KLF12: variants seen among roughly 807,000 people sequenced by gnomAD.
KLF12 encodes the protein Krueppel-like factor 12.
In KLF12, 9 loss-of-function variants were observed where a neutral mutation model predicts 37.8. That is an observed-to-expected ratio of 0.24 (90% CI 0.14 to 0.42). The LOEUF (loss-of-function observed/expected upper bound fraction) is 0.42, where lower values mean the gene tolerates loss of function less well. Among genes scored for constraint, KLF12 ranks in the 10% least tolerant of loss-of-function variants. The pLI is 1.00. For synonymous variants in KLF12, 208 were observed against 202.1 expected (o/e 1.03, Z -0.25); for missense variants, 411 against 516.0 (o/e 0.80, Z 1.97).
At chr13:74,029,929 C>A (rs1245780880) in intron 1 of KLF12, among the ~76,000 whole-genome samples, 1 of 152,006 alleles carries the variant, frequency 6.6e-6, no homozygotes, top group African/African-American at 2.4e-5. Context: ...AGAGTTGAGG[C>A]CACAGGAAGA....
intron 2 of KLF12, among the ~76,000 whole-genome samples, chr13:73,991,331 A>C (rs1891966233): frequency 6.6e-6 from 1 of 152,210 alleles, no homozygotes; most frequent in South Asian, 2.1e-4. Context: ...CAGCCAACCA[A>C]GTCTTACGGA....
chr13:73,812,989 T>C, intron 5 of KLF12, 163 bp downstream of exon 5: 1 of 663,794 alleles, frequency 1.5e-6, no homozygotes, highest in East Asian at 2.7e-5. Context: ...CTCCATTCTC[T>C]GCCCTAATCT....
intron 1 of KLF12, among the ~76,000 whole-genome samples, chr13:74,042,683 T>C (rs147652098): frequency 2.0e-5 from 3 of 152,282 alleles, no homozygotes; most frequent in African/African-American, 7.2e-5. Context: ...GATAAGTATG[T>C]CCAAAAGGGT....
chr13:73,943,080 T>C (rs1365761552), intron 3 of KLF12, among the ~76,000 whole-genome samples: 1 of 152,238 alleles, frequency 6.6e-6, no homozygotes, highest in Non-Finnish European at 1.5e-5. Flanking sequence ...AGTGAGATTT[T>C]ATTCACATTT....
intron 6 of KLF12, among the ~76,000 whole-genome samples, chr13:73,757,429 G>T (rs189601186): frequency 3.9e-4 from 59 of 152,302 alleles, no homozygotes; most frequent in Admixed American, 1.3e-3. Flanking sequence ...ACTATGCCAA[G>T]AAATGTAATA....
the KLF12 span, among the ~76,000 whole-genome samples, chr13:74,218,144 A>G: frequency 6.6e-6 from 1 of 152,194 alleles, no homozygotes; most frequent in Admixed American, 6.5e-5. Flanking sequence ...TGAGACTCAA[A>G]TCTCCAAATT....
At chr13:74,167,881 T>C in the KLF12 span, among the ~76,000 whole-genome samples, 1 of 152,212 alleles carries the variant, frequency 6.6e-6, no homozygotes, top group African/African-American at 2.4e-5. Context: ...AAAGTATACA[T>C]TAAAGAATGC....
chr13:74,131,077 A>T (rs1878238196), intron 1 of KLF12, among the ~76,000 whole-genome samples: 1 of 152,202 alleles, frequency 6.6e-6, no homozygotes, highest in Non-Finnish European at 1.5e-5. Context: ...TTGAATTCAA[A>T]ATGCTCTCAG....
chr13:74,300,174 A>G, the KLF12 span, among the ~76,000 whole-genome samples: 1 of 152,168 alleles, frequency 6.6e-6, no homozygotes, highest in Admixed American at 6.6e-5. Context: ...TTCTTTTAGA[A>G]TGAGAGGGGA....
At chr13:73,992,036 A>C (rs1360340531) in intron 2 of KLF12, among the ~76,000 whole-genome samples, 1 of 152,136 alleles carries the variant, frequency 6.6e-6, no homozygotes, top group African/African-American at 2.4e-5. Context: ...GTGGTTAGGC[A>C]GCTGTTCATC....
At position 73,828,082 on chromosome 13, in the gene KLF12, T is replaced by A. The variant is rs182913664; in HGVS notation, c.671-14795A>T. On this transcript the variant is annotated intron_variant, in intron 4 of 7. Transcript: ENST00000377669. ...TGTATGTCTGAATTTTGTTTTTTTT[T>A]AATTTCACTCTTAATGGAATTTTAT... Among the ~76,000 whole-genome samples, 103 of 152,332 alleles carry A rather than the reference T, an allele frequency of 6.8e-4. No homozygotes were observed. The East Asian group carries it at 0.016, about 24-fold the overall frequency.
chr13:73,899,372 G>C (rs1887934578), intron 3 of KLF12, among the ~76,000 whole-genome samples: 3 of 152,120 alleles, frequency 2.0e-5, no homozygotes, highest in Admixed American at 2.0e-4. Flanking sequence ...AAGTGACTTG[G>C]AGGACAATAA....
chr13:73,863,812 C>T (rs1886045702), intron 3 of KLF12, among the ~76,000 whole-genome samples: 1 of 152,112 alleles, frequency 6.6e-6, no homozygotes, highest in African/African-American at 2.4e-5. Flanking sequence ...AAGGTAATAG[C>T]ACCCCGCCAG....
chr13:74,100,500 C>A (rs1442581622), intron 1 of KLF12, among the ~76,000 whole-genome samples: 1 of 152,090 alleles, frequency 6.6e-6, no homozygotes, highest in African/African-American at 2.4e-5. Flanking sequence ...CGCCTGTAAT[C>A]CCAGCTACTT....
chr13:74,291,335 A>C, the KLF12 span, among the ~76,000 whole-genome samples: 1 of 152,218 alleles, frequency 6.6e-6, no homozygotes, highest in Non-Finnish European at 1.5e-5. Flanking sequence ...GAAACATTCA[A>C]ATAAATGTTC....
rs371845639 is a variant in KLF12 at position 74,015,506 on chromosome 13, G to C, written c.-31-20453C>G. Among the ~76,000 whole-genome samples the C allele has an allele frequency of 1.2e-4, 19 of 152,160 alleles. No homozygotes were observed. The East Asian group carries it at 2.9e-3, about 23-fold the overall frequency. Reference sequence around the variant, plus strand: ...GTTATTATTACTTTTATCCACCCTAGTGCGCCCATGAGTTTCACAGGGTTG... The same window carrying C: ...GTTATTATTACTTTTATCCACCCTACTGCGCCCATGAGTTTCACAGGGTTG... On this transcript the variant is annotated intron_variant, in intron 1 of 7. Coordinates refer to ENST00000377669, the MANE Select transcript of KLF12 (RefSeq NM_007249.5).
At chr13:73,739,570 A>G (rs1361276673) in intron 6 of KLF12, among the ~76,000 whole-genome samples, 4 of 152,104 alleles carry the variant, frequency 2.6e-5, no homozygotes, top group Admixed American at 2.6e-4. Context: ...AAAGGTTGGG[A>G]GTCATTGCTC....
At chr13:74,248,519 T>G in the KLF12 span, among the ~76,000 whole-genome samples, 1 of 152,320 alleles carries the variant, frequency 6.6e-6, no homozygotes, top group South Asian at 2.1e-4. Flanking sequence ...TAATATAATT[T>G]CAGCCAATGC....
chr13:74,203,839 G>A, the KLF12 span, among the ~76,000 whole-genome samples: 1 of 152,134 alleles, frequency 6.6e-6, no homozygotes, highest in South Asian at 2.1e-4. Context: ...GAGGCAGTTT[G>A]CCAATTTGTA....
Sources: gnomAD v4.1 joint callset for allele counts (sites outside exome capture counted in the v4.1 genomes callset) on GRCh38, gnomAD v4.1.1 for gene constraint, MANE v1.5 for transcripts, NCBI Gene and HGNC (gene_info 2026-07-23, HGNC 2026-07-21) for gene names.